NOL9: variants seen among roughly 807,000 people sequenced by gnomAD.
NOL9 encodes polynucleotide 5'-hydroxyl-kinase NOL9.
A neutral mutation model predicts 67.9 loss-of-function variants in NOL9; 28 were observed. That is an observed-to-expected ratio of 0.41 (90% confidence interval 0.31 to 0.57). The LOEUF is 0.57. NOL9 is among the 20% of genes least tolerant of loss of function. The pLI is 0.25. For synonymous variants in NOL9, 356 were observed against 352.2 expected (o/e 1.01, Z -0.12); for missense variants, 777 against 897.0 (o/e 0.87, Z 1.71).
chr1:6,536,728 G>A (rs1639165016), intron 6 of NOL9, among the ~76,000 whole-genome samples: 2 of 152,022 alleles, frequency 1.3e-5, no homozygotes, highest in Admixed American at 6.6e-5. Flanking sequence ...TACCTGCAAG[G>A]CTAGCCTGAG....
intron 1 of NOL9, among the ~76,000 whole-genome samples, chr1:6,551,071 G>A (rs1207821438): frequency 6.6e-6 from 1 of 152,154 alleles, no homozygotes; most frequent in Non-Finnish European, 1.5e-5. Flanking sequence ...CAACACTTTG[G>A]GAAGCTGAGA....
Position 6,525,566 on chromosome 1 carries a change from C to A in NOL9, c.*288G>T, listed in dbSNP as rs1638865137. On this transcript the variant is annotated 3_prime_UTR_variant, in exon 12 of 12. Transcript: ENST00000377705. ...TTCTAATAACCAGGTCCCTGAAGAA[C>A]TTTCTGAGGAATCTCTGTTTTAATG... 2.8e-6 allele frequency: 1 copy of A among 357,512 alleles called. No homozygotes were observed. The highest frequency in any genetic ancestry group is 5.1e-6 in the Non-Finnish European group (1 of 197,618). The allele number at this position is 357,512 out of a possible 1,614,324, so 22.1% of individuals were successfully genotyped here. A position where few individuals can be genotyped will look rare whatever the true frequency, so the allele number is the denominator to read the frequency against.
At chr1:6,544,968 T>G (rs747970315) in intron 4 of NOL9, 46 bp from the exon 5 acceptor site, 1 of 1,614,162 alleles carries the variant, frequency 6.2e-7, no homozygotes, top group South Asian at 1.1e-5. Flanking sequence ...CCGTCTTCCT[T>G]GGACTCGAAT....
intron 2 of NOL9, among the ~76,000 whole-genome samples, 174 bp downstream of exon 2, chr1:6,550,222 A>G (rs1330820928): frequency 3.9e-5 from 6 of 152,146 alleles, no homozygotes; most frequent in Non-Finnish European, 5.9e-5. Flanking sequence ...TAGTAGAGAC[A>G]GGGTTTCACC....
At position 6,525,863 on chromosome 1, in the gene NOL9, T is replaced by G; in HGVS notation, c.2100A>C (p.Lys700Asn). ...KPYRRPKFCR[K>N]MK ...ATTAAAAACGCGAGCATCACTTCAT[T>G]TTTCGACAGAACTTAGGTCTTCGGT... The change falls in exon 12 of 12, where the codon AAA becomes AAC. Residue 700 changes from lysine (K) to asparagine (N), a missense_variant. Lys to Asn is a moderately conservative substitution (Grantham distance 94). Transcript: ENST00000377705. 6.2e-7 allele frequency: 1 copy of G among 1,614,042 alleles called. No individual in the cohort carries two copies. Among genetic ancestry groups the G allele is most frequent in the African/African-American group, 1.3e-5 (1 of 74,996 alleles).
intron 5 of NOL9, among the ~76,000 whole-genome samples, chr1:6,542,782 G>A (rs1305006451): frequency 6.6e-6 from 1 of 151,780 alleles, no homozygotes; most frequent in Non-Finnish European, 1.5e-5. Flanking sequence ...AGCAGAGACA[G>A]GGTTTCACCA....
chr1:6,547,575 G>A (rs915087716), intron 3 of NOL9, among the ~76,000 whole-genome samples: 20 of 151,998 alleles, frequency 1.3e-4, no homozygotes, highest in African/African-American at 4.3e-4. Context: ...AAATTTAGAG[G>A]TGAGGCCAGA....
rs750896915 is a variant in NOL9, at chr1:6,550,580, G to A, written c.432C>T (p.Cys144=). The change falls in exon 2 of 12, where the codon TGC becomes TGT. Residue 144 remains cysteine, a synonymous_variant. Transcript: ENST00000377705. The stretch of plus-strand genomic sequence containing the variant: ...CAAATACCTGCACCTGGCCATAGAG[G>A]CAAGTCACACGACAGATCCCACTAA... ...FTFSGICRVT[C]LYGQVQVFGF... 1.9e-6 allele frequency: 3 copies of A among 1,613,512 alleles called. No individual in the cohort carries two copies. The highest frequency in any genetic ancestry group is 1.1e-5 in the South Asian group (1 of 91,064).
At chr1:6,526,556 G>GTC in intron 11 of NOL9, 140 bp downstream of exon 11, 1 of 831,820 alleles carries the variant, frequency 1.2e-6, no homozygotes, top group East Asian at 2.6e-5. Flanking sequence ...CCCTGACACC[G>GTC]TCTCGGCTCA....
rs1267338320 is a variant in NOL9, at chr1:6,532,843, T to C, written c.1238-83A>G. ...AACAGTGACATGCTCCTACGACAAATGGATGCATTTGTTCTAAGACAAAGA... is the reference window on the plus strand; with the variant it reads ...AACAGTGACATGCTCCTACGACAAACGGATGCATTTGTTCTAAGACAAAGA... On this transcript the variant is annotated intron_variant, in intron 7 of 11. Coordinates refer to ENST00000377705, the MANE Select transcript of NOL9 (RefSeq NM_024654.5). 6.4e-6 allele frequency: 8 copies of C among 1,247,228 alleles called. No individual in the cohort carries two copies. The South Asian group carries it at 1.1e-4, about 16-fold the overall frequency. The allele number at this position is 1,247,228 out of a possible 1,614,324, so 77.3% of individuals were successfully genotyped here.
intron 9 of NOL9, 84 bp downstream of exon 9, chr1:6,531,884 G>T: frequency 1.0e-6 from 1 of 976,854 alleles, no homozygotes; most frequent in Non-Finnish European, 1.7e-6. Flanking sequence ...GAGTTATGTA[G>T]TGGTTAGGAG....
At position 6,521,781 on chromosome 1, in the gene NOL9, C is replaced by T. The variant is rs1417916054; in HGVS notation, c.*4073G>A. 2 of 152,228 alleles carry T rather than the reference C, an allele frequency of 1.3e-5. No individual in the cohort carries two copies. The highest frequency in any genetic ancestry group is 2.9e-5 in the Non-Finnish European group (2 of 68,058). The allele number at this position is 152,228 out of a possible 1,614,324, so 9.4% of individuals were successfully genotyped here. ...TGCCAGCCTCCTGAGTTTACCATCT[C>T]ATCAGAGGCTAGCTACACACTAGGA... is the stretch of plus-strand genomic sequence containing the variant. On this transcript the variant is annotated 3_prime_UTR_variant, in exon 12 of 12. Coordinates refer to ENST00000377705, the MANE Select transcript of NOL9 (RefSeq NM_024654.5).
chr1:6,532,056 C>T lies in NOL9; in HGVS notation c.1559G>A (p.Arg520Gln). The change falls in exon 9 of 12, where the codon CGA becomes CAA. Residue 520 changes from arginine to glutamine, a missense_variant. Physicochemically the swap from Arg to Gln is conservative, Grantham distance 43. This residue lies in a region of NOL9 where 413 missense variants were observed against 552.6 expected (regional missense o/e 0.75). Coordinates refer to ENST00000377705, the MANE Select transcript of NOL9 (RefSeq NM_024654.5). ...AAGGTAACTCAAGATGGACAGATCT[C>T]GAAGAATTTTGTTATGTGACTCTCT... ...RNRESHNKIL[R>Q]DLSILSYLSQ... The T allele has an allele frequency of 1.2e-6, 2 of 1,614,086 alleles. No homozygotes were observed. Among genetic ancestry groups the T allele is most frequent in the Non-Finnish European group, 1.7e-6 (2 of 1,180,002 alleles).
rs1411565818 is a variant in NOL9, at chr1:6,554,358, G to A, written c.145C>T (p.Arg49Trp). The A allele has an allele frequency of 4.8e-6, 7 of 1,454,194 alleles. No individual in the cohort carries two copies. The highest frequency in any genetic ancestry group is 6.3e-6 in the Non-Finnish European group (7 of 1,112,790). The allele number at this position is 1,454,194 out of a possible 1,614,324, so 90.1% of individuals were successfully genotyped here. The change falls in exon 1 of 12, where the codon CGG becomes TGG. Residue 49 changes from arginine (R) to tryptophan (W), a missense_variant. Around this residue, in one of 2 missense-constraint regions of NOL9, gnomAD observed 364 missense variants for 344.4 expected, o/e 1.06. Coordinates refer to ENST00000377705, the MANE Select transcript of NOL9 (RefSeq NM_024654.5). ...GCCTGGGCTTGCAGTAACCGCCACCGTAGGCGCCGCCGACCGCACCAGCGC... is the reference window on the plus strand; with the variant it reads ...GCCTGGGCTTGCAGTAACCGCCACCATAGGCGCCGCCGACCGCACCAGCGC... ...SLRWCGRRRL[R>W]WRLLQAQASG...
intron 3 of NOL9, chr1:6,548,168 C>T (rs146273642): frequency 0.014 from 1,644 of 118,824 alleles, 31 homozygotes; most frequent in African/African-American, 0.051. Flanking sequence ...TTTTTTGAGA[C>T]GGATTCTCAC....
At position 6,533,411 on chromosome 1, in the gene NOL9, T is replaced by C; in HGVS notation, c.1106A>G (p.Gln369Arg). ...GPPFTHLRTP[Q>R]KMVYYGKPSC... is the part of the protein sequence containing the mutation. ...AGGTTTCCCATAATATACCATCTTC[T>C]GTGGAGTCCTCAGGTGAGTGAAAGG... Residue 369 changes from glutamine (Q) to arginine (R), a missense_variant, in exon 7 of 12, where the codon CAG becomes CGG. Gln to Arg is a conservative substitution (Grantham distance 43). Transcript: ENST00000377705. 1 of 1,611,102 alleles carries C rather than the reference T, an allele frequency of 6.2e-7. No homozygotes were observed. Among genetic ancestry groups the C allele is most frequent in the South Asian group, 1.1e-5 (1 of 90,496 alleles).
rs1453067340 is a variant in NOL9, at chr1:6,525,819, T to A, written c.*35A>T. 2 of 1,610,948 alleles carry A rather than the reference T, an allele frequency of 1.2e-6. No individual in the cohort carries two copies. The highest frequency in any genetic ancestry group is 2.2e-5 in the East Asian group (1 of 44,864). ...TCAGGCTTGAGACAAAGCTTTCTGG[T>A]AGGAAAGTTTCTTCCCTTATTAAAA... On this transcript the variant is annotated 3_prime_UTR_variant, in exon 12 of 12. Transcript: ENST00000377705.
intron 11 of NOL9, 32 bp downstream of exon 11, chr1:6,526,664 C>A: frequency 6.3e-7 from 1 of 1,584,100 alleles, no homozygotes; most frequent in Non-Finnish European, 8.6e-7. Flanking sequence ...TGAGTAGGCT[C>A]CTTCCAGGGC....
intron 6 of NOL9, among the ~76,000 whole-genome samples, chr1:6,536,619 G>A (rs1210006555): frequency 6.6e-6 from 1 of 152,156 alleles, no homozygotes; most frequent in East Asian, 1.9e-4. Context: ...CTTGAGCTCC[G>A]GAGTTTGAGA....
Sources: gnomAD v4.1 joint callset for allele counts (sites outside exome capture counted in the v4.1 genomes callset) on GRCh38, gnomAD v4.1.1 for gene constraint, gnomAD v4.1.1 regional missense constraint, MANE v1.5 for transcripts, NCBI Gene and HGNC (gene_info 2026-07-23, HGNC 2026-07-21) for gene names.